TRIM65: variants seen among roughly 807,000 people sequenced by gnomAD.
TRIM65 encodes E3 ubiquitin-protein ligase TRIM65.
In TRIM65, 46 loss-of-function variants were observed where a neutral mutation model predicts 36.1. The ratio of observed to expected loss-of-function variants is 1.27; its 90% CI spans 1.01 to 1.63. TRIM65 has a LOEUF of 1.63. TRIM65 is among the 40% of genes most tolerant of loss of function. TRIM65 has a pLI of 0.00. For missense variants in TRIM65, 708 were observed against 696.6 expected (o/e 1.02, Z -0.18); for synonymous variants, 346 against 313.6 (o/e 1.10, Z -1.09).
rs1208580567 is a variant in TRIM65, at chr17:75,889,336, G to A, written c.*1443C>T. ...CCCAAAGTGCTGGGATTACAAGCGTGAGCCACTGCGCCTGGCCAAAAGCAG... is the reference window on the plus strand; with the variant it reads ...CCCAAAGTGCTGGGATTACAAGCGTAAGCCACTGCGCCTGGCCAAAAGCAG... On this transcript the variant is annotated 3_prime_UTR_variant, in exon 6 of 6. Transcript: ENST00000269383. The A allele has an allele frequency of 6.6e-6, 1 of 152,168 alleles. No individual in the cohort carries two copies. Among genetic ancestry groups the A allele is most frequent in the Non-Finnish European group, 1.5e-5 (1 of 68,062 alleles). 9.4% of individuals were successfully genotyped at this position (152,168 alleles called of 1,614,324 possible).
intron 1 of TRIM65, among the ~76,000 whole-genome samples, chr17:75,893,958 C>T (rs957094629): frequency 2.4e-4 from 36 of 152,210 alleles, no homozygotes; most frequent in African/African-American, 6.5e-4. Flanking sequence ...CAGTACATCT[C>T]GTCTCATCCT....
downstream of TRIM65, among the ~76,000 whole-genome samples, chr17:75,884,440 C>A (rs1465066596): frequency 6.6e-6 from 1 of 151,856 alleles, no homozygotes; most frequent in Non-Finnish European, 1.5e-5. Flanking sequence ...GCCTGGGCAA[C>A]AAGAGCGAAA....
intron 1 of TRIM65, among the ~76,000 whole-genome samples, chr17:75,894,282 G>A (rs55823223): frequency 0.1 from 15,589 of 151,924 alleles, 975 homozygotes; most frequent in Non-Finnish European, 0.14. Context: ...CTCCATCCAC[G>A]CCTTAGCCCC....
chr17:75,890,669 G>A lies in TRIM65; in HGVS notation c.*110C>T, dbSNP rs1202642677. Reference sequence around the variant, plus strand: ...CCCCCAACCTCCCATCTCTTTCTGAGTTAACAGAGAGGCCAACAGCTGGTC... The same window carrying A: ...CCCCCAACCTCCCATCTCTTTCTGAATTAACAGAGAGGCCAACAGCTGGTC... On this transcript the variant is annotated 3_prime_UTR_variant, in exon 6 of 6. Coordinates refer to ENST00000269383, the MANE Select transcript of TRIM65 (RefSeq NM_173547.4). 2 of 958,118 alleles carry A rather than the reference G, an allele frequency of 2.1e-6. No homozygotes were observed. Among genetic ancestry groups the A allele is most frequent in the African/African-American group, 1.7e-5 (1 of 58,896 alleles). The allele number at this position is 958,118 out of a possible 1,614,324, so 59.4% of individuals were successfully genotyped here.
chr17:75,891,533 C>T (rs1192838652), intron 5 of TRIM65, among the ~76,000 whole-genome samples, 186 bp from the exon 6 acceptor site: 3 of 152,232 alleles, frequency 2.0e-5, no homozygotes, highest in Non-Finnish European at 4.4e-5. Flanking sequence ...AACTGGGGCT[C>T]TGAGAGCCAT....
chr17:75,893,480 G>A (rs1417841791), intron 1 of TRIM65, among the ~76,000 whole-genome samples: 1 of 152,098 alleles, frequency 6.6e-6, no homozygotes, highest in African/African-American at 2.4e-5. Context: ...GAGTCCCTTG[G>A]GAATCAAAAC....
Position 75,892,355 on chromosome 17 carries a change from C to T in TRIM65, c.656G>A (p.Arg219Gln), listed in dbSNP as rs368813627. The change falls in exon 3 of 6, where the codon CGG (arginine) becomes CAG (glutamine). Residue 219 changes from arginine (R) to glutamine (Q), a missense_variant. Physicochemically the swap from Arg to Gln is conservative, Grantham distance 43. Transcript: ENST00000269383. Reference protein sequence around the residue: ...ALAQARDEEQRLRVHLEAVAR... With the variant: ...ALAQARDEEQQLRVHLEAVAR... ...CACAGCCTCCAAATGGACCCGCAGCCGCTGCTCCTCGTCTCGAGCCTGTGC... is the reference window on the plus strand; with the variant it reads ...CACAGCCTCCAAATGGACCCGCAGCTGCTGCTCCTCGTCTCGAGCCTGTGC... 5.0e-5 allele frequency: 80 copies of T among 1,613,204 alleles called. No homozygotes were observed. The highest frequency in any genetic ancestry group is 2.3e-4 in the South Asian group (21 of 91,054).
chr17:75,888,667 C>G (rs1454660203), downstream of TRIM65, among the ~76,000 whole-genome samples: 1 of 152,236 alleles, frequency 6.6e-6, no homozygotes, highest in Non-Finnish European at 1.5e-5. Context: ...ACCATTGCCC[C>G]TAGCTGGTCA....
chr17:75,881,235 CAAAAAAAAAAA>C (rs58718762), intron 4 of TRIM65, among the ~76,000 whole-genome samples: 1 of 110,356 alleles, frequency 9.1e-6, no homozygotes, highest in Non-Finnish European at 1.9e-5. Context: ...GACTCCATCT[CAAAAAAAAAAA>C]AAAAAAAAAA....
At chr17:75,887,865 C>G (rs910953002), downstream of TRIM65, among the ~76,000 whole-genome samples, 2 of 151,698 alleles carry the variant, frequency 1.3e-5, no homozygotes, top group South Asian at 4.2e-4. Flanking sequence ...ACTAAAAATA[C>G]AAAAATTACG....
chr17:75,891,105 C>G lies in TRIM65; in HGVS notation c.1228G>C (p.Gly410Arg). ...CGGCCAATGTTGTCTGTGTGGGGCC[C>G]CAGCCTGCACCGTGGCAGTTGCGGG... ...SYPQLPRCRL[G>R]PHTDNIGRGP... is the part of the protein sequence containing the mutation. Residue 410 changes from glycine to arginine, a missense_variant, in exon 6 of 6, where the codon GGG becomes CGG. Physicochemically the swap from Gly to Arg is moderately radical, Grantham distance 125. Coordinates refer to ENST00000269383, the MANE Select transcript of TRIM65 (RefSeq NM_173547.4). The G allele has an allele frequency of 3.1e-6, 5 of 1,609,626 alleles. No individual in the cohort carries two copies. Among genetic ancestry groups the G allele is most frequent in the Non-Finnish European group, 4.2e-6 (5 of 1,179,898 alleles).
In TRIM65 at chr17:75,896,668, G is replaced by GTCGGGGCCGGGGCCGGGA. The variant is rs1160199096; in HGVS notation, c.252_269dup (p.Gly86_Pro91dup). 39 of 1,277,680 alleles carry GTCGGGGCCGGGGCCGGGA rather than the reference G, an allele frequency of 3.1e-5. No homozygotes were observed. The highest frequency in any genetic ancestry group is 5.4e-5 in the South Asian group (2 of 36,836). The allele number at this position is 1,277,680 out of a possible 1,614,324, so 79.1% of individuals were successfully genotyped here. A position where few individuals can be genotyped will look rare whatever the true frequency, so the allele number is the denominator to read the frequency against. The stretch of plus-strand genomic sequence containing the variant: ...CGTGGCGGGGGCAGCGCGCGGCAGG[G>GTCGGGGCCGGGGCCGGGA]TCGGGGCCGGGGCCGGGATCGGGGC... On this transcript the variant is annotated inframe_insertion, in exon 1 of 6. Coordinates refer to ENST00000269383, the MANE Select transcript of TRIM65 (RefSeq NM_173547.4).
chr17:75,886,288 C>A (rs919636368), downstream of TRIM65, among the ~76,000 whole-genome samples: 1 of 151,938 alleles, frequency 6.6e-6, no homozygotes, highest in African/African-American at 2.4e-5. Context: ...TTTGGGAGGC[C>A]GAGGCGGGCG....
intron 1 of TRIM65, among the ~76,000 whole-genome samples, chr17:75,894,721 G>A (rs1381154111): frequency 2.6e-5 from 4 of 152,254 alleles, no homozygotes; most frequent in South Asian, 4.1e-4. Context: ...AGTAGAGACA[G>A]GGTTTCACCA....
In TRIM65 at chr17:75,896,312, C is replaced by T. The variant is rs577275118; in HGVS notation, c.414+212G>A. ...CCTCGTGATCCGCCCGCCTCGGCCT[C>T]CCAAAGTGCTGGGATTACAGTCGTG... On this transcript the variant is annotated intron_variant, in intron 1 of 5. Coordinates refer to ENST00000269383, the MANE Select transcript of TRIM65 (RefSeq NM_173547.4). Among the ~76,000 whole-genome samples, 367 of 152,322 alleles carry T rather than the reference C, an allele frequency of 2.4e-3. 7 individuals are homozygous for T. The South Asian group carries it at 0.029, about 12-fold the overall frequency.
intron 4 of TRIM65, among the ~76,000 whole-genome samples, chr17:75,881,409 AC>A (rs1246405751): frequency 1.3e-5 from 2 of 150,306 alleles, no homozygotes; most frequent in Non-Finnish European, 2.9e-5. Context: ...GACACTCCTC[AC>A]AGTTCTGGAG....
In TRIM65 at chr17:75,896,791, C is replaced by T; in HGVS notation, c.147G>A (p.Glu49=). 2.0e-6 allele frequency: 3 copies of T among 1,504,776 alleles called. No homozygotes were observed. The highest frequency in any genetic ancestry group is 2.7e-6 in the Non-Finnish European group (3 of 1,130,296). 93.2% of individuals were successfully genotyped at this position (1,504,776 alleles called of 1,614,324 possible). ...WWDRCGKACP[E]CREPFPDGAE... is the part of the protein sequence containing the mutation. ...CGCCGTCGGGAAAGGGCTCCCGGCA[C>T]TCGGGGCACGCCTTTCCGCAGCGGT... is the stretch of plus-strand genomic sequence containing the variant. The change falls in exon 1 of 6, where the codon GAG becomes GAA. Residue 49 remains glutamate, a synonymous_variant. Coordinates refer to ENST00000269383, the MANE Select transcript of TRIM65 (RefSeq NM_173547.4).
intron 1 of TRIM65, among the ~76,000 whole-genome samples, chr17:75,894,409 C>T (rs567982509): frequency 1.8e-4 from 28 of 152,382 alleles, no homozygotes; most frequent in African/African-American, 6.3e-4. Context: ...TGTCCTCGTA[C>T]TGAGCCTCTG....
downstream of TRIM65, among the ~76,000 whole-genome samples, chr17:75,884,410 G>A (rs187185057): frequency 7.7e-3 from 1,167 of 152,190 alleles, 7 homozygotes; most frequent in Non-Finnish European, 0.012. Flanking sequence ...AGTGAGCCGA[G>A]ATCATGCCAT....
Sources: gnomAD v4.1 joint callset for allele counts (sites outside exome capture counted in the v4.1 genomes callset) on GRCh38, gnomAD v4.1.1 for gene constraint, MANE v1.5 for transcripts, NCBI Gene and HGNC (gene_info 2026-07-23, HGNC 2026-07-21) for gene names.